The following NECTIN2 variants were observed in gnomAD, a reference collection of about 807,000 sequenced individuals.
NECTIN2 encodes nectin cell adhesion molecule 2, also known as nectin-2.
In NECTIN2, 23 loss-of-function variants were observed where a neutral mutation model predicts 56.9. The observed-to-expected ratio is 0.40, with a 90% CI of 0.29 to 0.57. The LOEUF (loss-of-function observed/expected upper bound fraction) is 0.57. Ranked by LOEUF, NECTIN2 falls within the 20% of genes least tolerant of loss-of-function variation. The pLI is 0.38. For missense variants in NECTIN2, 587 were observed against 718.3 expected, an observed-to-expected ratio of 0.82 and a Z score of 2.09; for synonymous variants, 302 against 313.8, an observed-to-expected ratio of 0.96 and a Z score of 0.40.
At chr19:44,885,006 T>C (rs1969344469) in intron 6 of NECTIN2, among the ~76,000 whole-genome samples, 1 of 152,192 alleles carries the variant, frequency 6.6e-6, no homozygotes, top group African/African-American at 2.4e-5. Context: ...TTCTTTTTTT[T>C]TCTTTTTGAG....
At chr19:44,879,194 G>A (rs906494668) in intron 5 of NECTIN2, among the ~76,000 whole-genome samples, 9 of 152,026 alleles carry the variant, frequency 5.9e-5, no homozygotes, top group Admixed American at 5.9e-4. Flanking sequence ...TCAGAGGCCT[G>A]GACATTTGGA....
Position 44,874,510 on chromosome 19 carries a change from C to A in NECTIN2, c.1042+32C>A, listed in dbSNP as rs1488672201. On this transcript the variant is annotated intron_variant, in intron 5 of 8. Coordinates refer to ENST00000252483, the MANE Select transcript of NECTIN2 (RefSeq NM_001042724.2). The surrounding 1 kb of genome is among the most constrained non-coding windows in gnomAD (Gnocchi z 6.3). Reference sequence around the variant, plus strand: ...GGGTCTTGGGGGCCGTGTGTGGAGACCTGGGTCCGCTCCCCTGGAGTTCTG... The same window carrying A: ...GGGTCTTGGGGGCCGTGTGTGGAGAACTGGGTCCGCTCCCCTGGAGTTCTG... 1 of 1,608,918 alleles carries A rather than the reference C, an allele frequency of 6.2e-7. No individual in the cohort carries two copies. Among genetic ancestry groups the A allele is most frequent in the Non-Finnish European group, 8.5e-7 (1 of 1,179,716 alleles).
At chr19:44,878,756 G>C (rs1364697212) in intron 5 of NECTIN2, 2 of 1,440,394 alleles carry the variant, frequency 1.4e-6, no homozygotes, top group East Asian at 5.0e-5. Flanking sequence ...CACTTTCTTG[G>C]GACTTGGAGG....
chr19:44,854,874 C>A (rs1407869647), intron 1 of NECTIN2, among the ~76,000 whole-genome samples: 1 of 150,418 alleles, frequency 6.6e-6, no homozygotes, highest in Non-Finnish European at 1.5e-5. Flanking sequence ...GCCTGTAATC[C>A]CAGCACTTTG....
At chr19:44,877,584 A>T (rs755193533) in intron 5 of NECTIN2, among the ~76,000 whole-genome samples, 3 of 152,186 alleles carry the variant, frequency 2.0e-5, no homozygotes, top group Non-Finnish European at 4.4e-5. Context: ...GCTCCCAGCC[A>T]CTCAAGAGGG....
chr19:44,854,272 AG>A (rs1325040651), intron 1 of NECTIN2, among the ~76,000 whole-genome samples: 3 of 151,874 alleles, frequency 2.0e-5, no homozygotes, highest in Non-Finnish European at 2.9e-5. Flanking sequence ...TAGTAGAGAC[AG>A]GGTTTCACTG....
intron 1 of NECTIN2, among the ~76,000 whole-genome samples, chr19:44,848,480 C>T (rs944818439): frequency 8.5e-5 from 13 of 152,108 alleles, no homozygotes; most frequent in Non-Finnish European, 1.8e-4. Context: ...TTTCCTCCCT[C>T]GTAAAAAAAC....
At chr19:44,879,019 A>T in intron 5 of NECTIN2, 28 of 635,206 alleles carry the variant, frequency 4.4e-5, no homozygotes, top group South Asian at 6.4e-5. Flanking sequence ...CCTAGGTCCC[A>T]GGGCTGGGAA....
Position 44,874,055 on chromosome 19 carries a change from C to A in NECTIN2, c.893+22C>A. 6.3e-7 allele frequency: 1 copy of A among 1,585,426 alleles called. No individual in the cohort carries two copies. The highest frequency in any genetic ancestry group is 8.7e-7 in the Non-Finnish European group (1 of 1,155,984). On this transcript the variant is annotated intron_variant, in intron 4 of 8. Coordinates refer to ENST00000252483, the MANE Select transcript of NECTIN2 (RefSeq NM_001042724.2). The surrounding 1 kb of genome is among the most constrained non-coding windows in gnomAD (Gnocchi z 6.3). ...GCACGTGAGTCACGTGGTCTCAGAA[C>A]CCTGGGTCTGAGGGAGGCGGGGCTG...
chr19:44,876,053 C>A (rs1048106285), intron 5 of NECTIN2, among the ~76,000 whole-genome samples: 21 of 152,124 alleles, frequency 1.4e-4, no homozygotes, highest in Non-Finnish European at 2.6e-4. Flanking sequence ...TCAAAGACAT[C>A]CTGGGAGGAG....
At chr19:44,871,744 T>C in intron 2 of NECTIN2, 109 bp from the exon 3 acceptor site, 1 of 1,228,048 alleles carries the variant, frequency 8.1e-7, no homozygotes, top group Non-Finnish European at 1.1e-6. Flanking sequence ...GCAGCAGAGC[T>C]GGGATTGGAA....
chr19:44,862,537 G>C (rs1379746996), intron 1 of NECTIN2, among the ~76,000 whole-genome samples: 1 of 151,936 alleles, frequency 6.6e-6, no homozygotes. Flanking sequence ...AAAAGGATGG[G>C]ATCATGTCTT....
intron 3 of NECTIN2, 45 bp downstream of exon 3, chr19:44,872,194 A>G (rs1969183652): frequency 2.5e-6 from 4 of 1,588,900 alleles, no homozygotes; most frequent in African/African-American, 2.7e-5. Context: ...AACTGCCTAC[A>G]CTGGCTTCTC....
In NECTIN2 at chr19:44,882,306, CT is replaced by C. The variant is rs762464509; in HGVS notation, c.1140del (p.Ile381SerfsTer114). On this transcript the variant is annotated frameshift_variant, in exon 6 of 9. Transcript: ENST00000252483. LOFTEE classifies it high-confidence loss of function. Reference sequence around the variant, plus strand: ...TACTGCTGTGGCTGCCACGGGCATCCTTATCTGCCGGCAGCAGCGGAAGGAG... The same window carrying C: ...TACTGCTGTGGCTGCCACGGGCATCCTATCTGCCGGCAGCAGCGGAAGGAG... ...IATAVAATGI[L>X]ICRQQRKEQT... 3 of 1,556,696 alleles carry C rather than the reference CT, an allele frequency of 1.9e-6. No individual in the cohort carries two copies. The highest frequency in any genetic ancestry group is 2.6e-6 in the Non-Finnish European group (3 of 1,150,642).
intron 5 of NECTIN2, chr19:44,878,928 G>A: frequency 8.5e-7 from 1 of 1,182,906 alleles, no homozygotes; most frequent in Non-Finnish European, 1.0e-6. Flanking sequence ...TAAATGCCTT[G>A]GAGGAAAACA....
In NECTIN2 at chr19:44,875,802, C is replaced by T. The variant is rs938498845; in HGVS notation, c.1042+1324C>T. Among the ~76,000 whole-genome samples, 1 of 152,196 alleles carries T rather than the reference C, an allele frequency of 6.6e-6. No individual in the cohort carries two copies. The highest frequency in any genetic ancestry group is 2.4e-5 in the African/African-American group (1 of 41,452). On this transcript the variant is annotated intron_variant, in intron 5 of 8. Transcript: ENST00000252483. This position sits in a 1 kb window ranked among gnomAD's most constrained non-coding sequence, Gnocchi z 4.2. ...GCAGGGACACCCGAGGGAAAACAGACACCTCTTCAGGAATCCAGATACAGC... is the reference window on the plus strand; with the variant it reads ...GCAGGGACACCCGAGGGAAAACAGATACCTCTTCAGGAATCCAGATACAGC...
chr19:44,862,268 CACT>C (rs201825403), intron 1 of NECTIN2, among the ~76,000 whole-genome samples: 49,428 of 150,102 alleles, frequency 0.33, 8,948 homozygotes, highest in Non-Finnish European at 0.39. Context: ...CAAAAAAATT[CACT>C]GTGTGTGGTG....
intron 8 of NECTIN2, 70 bp downstream of exon 8, chr19:44,886,289 A>G: frequency 8.0e-7 from 1 of 1,252,496 alleles, no homozygotes; most frequent in Non-Finnish European, 1.2e-6. Context: ...AGGCCTGGCA[A>G]AAGAGGTCAA....
intron 6 of NECTIN2, among the ~76,000 whole-genome samples, chr19:44,884,731 C>G (rs1178081931): frequency 6.6e-6 from 1 of 152,110 alleles, no homozygotes; most frequent in Non-Finnish European, 1.5e-5. Flanking sequence ...GGGCATCTGA[C>G]CCAGGCTGGA....
Sources: allele counts gnomAD v4.1 joint callset (sites outside exome capture counted in the v4.1 genomes callset), GRCh38; gene constraint gnomAD v4.1.1; non-coding constraint Gnocchi (gnomAD v3.1); transcripts MANE v1.5; gene names NCBI Gene and HGNC (gene_info 2026-07-23, HGNC 2026-07-21).